The following SLC9C1 variants were observed in gnomAD, a reference collection of about 807,000 sequenced individuals.
SLC9C1 encodes the protein solute carrier family 9 member C1.
A neutral mutation model predicts 140.9 loss-of-function variants in SLC9C1; 97 were observed. The observed-to-expected ratio is 0.69, with a 90% confidence interval of 0.58 to 0.82. SLC9C1 has a LOEUF of 0.82. Ranked by LOEUF, SLC9C1 falls within the 40% of genes least tolerant of loss-of-function variation. The pLI is 0.00. For missense variants in SLC9C1, 1,340 were observed against 1,389.3 expected, an observed-to-expected ratio of 0.96 and a Z score of 0.56; for synonymous variants, 440 against 442.6, an observed-to-expected ratio of 0.99 and a Z score of 0.07.
chr3:112,201,374 A>G (rs1369926560), intron 18 of SLC9C1, among the ~76,000 whole-genome samples: 2 of 152,062 alleles, frequency 1.3e-5, no homozygotes, highest in Non-Finnish European at 2.9e-5. Flanking sequence ...GCTAAATATC[A>G]GTGGTTAGAA....
intron 5 of SLC9C1, among the ~76,000 whole-genome samples, chr3:112,276,620 T>C (rs777300112): frequency 7.9e-5 from 12 of 151,918 alleles, no homozygotes; most frequent in Admixed American, 1.3e-4. Context: ...TTAAGTTCAA[T>C]AGCAGCAGGA....
In SLC9C1 at chr3:112,145,589, C is replaced by CTTTT. The variant is rs61547345; in HGVS notation, c.3525-4312_3525-4309dup. ...TGGCTGTGAATCCACCTGCCCTTGG[C>CTTTT]TTTTTTTTTTTTTTTTTTTTTTGGT... is the stretch of plus-strand genomic sequence containing the variant. On this transcript the variant is annotated intron_variant, in intron 28 of 28. Transcript: ENST00000305815. 2.9e-3 allele frequency among the ~76,000 whole-genome samples: 82 copies of CTTTT among 28,222 alleles called. 6 individuals carry two copies. Among genetic ancestry groups the CTTTT allele is most frequent in the Middle Eastern group, 0.091 (2 of 22 alleles). 18.5% of individuals were successfully genotyped at this position (28,222 alleles called of 152,430 possible). A position where few individuals can be genotyped will look rare whatever the true frequency, so the allele number is the denominator to read the frequency against.
chr3:112,201,946 C>T (rs944245375), intron 18 of SLC9C1, among the ~76,000 whole-genome samples: 7 of 151,888 alleles, frequency 4.6e-5, no homozygotes, highest in African/African-American at 1.7e-4. Context: ...TTTTACACAC[C>T]CATAGCCTGA....
Position 112,145,704 on chromosome 3 carries a change from T to C in SLC9C1, c.3525-4423A>G, listed in dbSNP as rs186586109. Reference sequence around the variant, plus strand: ...TCTTCCTGATTCAATCTTGGGAGATTGTGTGGTCCCAGAAATTTACCTATT... The same window carrying C: ...TCTTCCTGATTCAATCTTGGGAGATCGTGTGGTCCCAGAAATTTACCTATT... On this transcript the variant is annotated intron_variant, in intron 28 of 28. Coordinates refer to ENST00000305815, the MANE Select transcript of SLC9C1 (RefSeq NM_183061.3). Among the ~76,000 whole-genome samples the C allele has an allele frequency of 1.7e-3, 255 of 151,346 alleles. 1 individual carries two copies. Among genetic ancestry groups the C allele is most frequent in the Non-Finnish European group, 3.1e-3 (212 of 67,918 alleles).
At chr3:112,205,458 G>A (rs1448876693) in intron 16 of SLC9C1, among the ~76,000 whole-genome samples, 8 of 134,286 alleles carry the variant, frequency 6.0e-5, no homozygotes, top group African/African-American at 1.9e-4. Context: ...AATCAATATC[G>A]TGAAAATGGC....
At chr3:112,275,230 C>T (rs1232891557) in intron 5 of SLC9C1, among the ~76,000 whole-genome samples, 5 of 152,030 alleles carry the variant, frequency 3.3e-5, no homozygotes, top group Admixed American at 1.3e-4. Flanking sequence ...GTTCTCATTC[C>T]TTGCTTCAAA....
At chr3:112,249,073 T>C (rs1381114783) in intron 10 of SLC9C1, among the ~76,000 whole-genome samples, 5 of 152,134 alleles carry the variant, frequency 3.3e-5, no homozygotes, top group African/African-American at 9.7e-5. Flanking sequence ...CTGTATGATG[T>C]TGGTTGTGGG....
intron 12 of SLC9C1, among the ~76,000 whole-genome samples, chr3:112,233,048 C>T (rs1168946819): frequency 3.5e-4 from 22 of 62,980 alleles, no homozygotes; most frequent in African/African-American, 1.1e-3. Flanking sequence ...CACACACACA[C>T]ACATATATAT....
In SLC9C1 at chr3:112,221,322, C is replaced by T. The variant is rs575791151; in HGVS notation, c.1573-97G>A. 8.3e-5 allele frequency: 80 copies of T among 965,038 alleles called. No homozygotes were observed. In the African/African-American group the frequency reaches 1.2e-3, roughly 14 times the overall value. 59.8% of individuals were successfully genotyped at this position (965,038 alleles called of 1,614,324 possible). A position where few individuals can be genotyped will look rare whatever the true frequency, so the allele number is the denominator to read the frequency against. On this transcript the variant is annotated intron_variant, in intron 13 of 28. Transcript: ENST00000305815. ...AAAATGTGTGATAAAGAAGTAAAAA[C>T]AATCAATCTAGTCTGTTTGTAAAAA... is the stretch of plus-strand genomic sequence containing the variant.
chr3:112,276,354 C>A (rs778254706), intron 5 of SLC9C1, among the ~76,000 whole-genome samples: 2 of 147,894 alleles, frequency 1.4e-5, no homozygotes, highest in Non-Finnish European at 3.0e-5. Context: ...CAGTCCTGGG[C>A]AAATTTTTCA....
In SLC9C1 at chr3:112,286,775, T is replaced by A; in HGVS notation, c.17A>T (p.Lys6Met). 1 of 1,612,112 alleles carries A rather than the reference T, an allele frequency of 6.2e-7. No individual in the cohort carries two copies. The highest frequency in any genetic ancestry group is 8.5e-7 in the Non-Finnish European group (1 of 1,179,278). MAGIF[K>M]EFFFSTEDLP... ...GTCCTCAGTACTGAAAAAAAACTCC[T>A]TAAATATTCCAGCCATGTTTCAGAA... The change falls in exon 2 of 29, where the codon AAG becomes ATG. Residue 6 changes from lysine to methionine, a missense_variant. By Grantham distance (95) the Lys-to-Met change is moderately conservative. Transcript: ENST00000305815.
chr3:112,192,024 A>G (rs1279302789), intron 20 of SLC9C1, among the ~76,000 whole-genome samples: 2 of 151,084 alleles, frequency 1.3e-5, no homozygotes, highest in Non-Finnish European at 3.0e-5. Context: ...GCATGTCTTA[A>G]TATTTAGTAG....
intron 14 of SLC9C1, among the ~76,000 whole-genome samples, chr3:112,220,129 T>C (rs1464012592): frequency 1.3e-5 from 2 of 152,182 alleles, no homozygotes; most frequent in Admixed American, 1.3e-4. Context: ...TCAAGCATTA[T>C]AAATCAAGGA....
At chr3:112,271,974 C>T (rs2080090875) in intron 6 of SLC9C1, among the ~76,000 whole-genome samples, 1 of 152,038 alleles carries the variant, frequency 6.6e-6, no homozygotes, top group Admixed American at 6.6e-5. Flanking sequence ...ATATTTGCTT[C>T]TTTGGTGTTG....
At chr3:112,233,350 AGCC>A (rs2078886543) in intron 12 of SLC9C1, among the ~76,000 whole-genome samples, 1 of 152,176 alleles carries the variant, frequency 6.6e-6, no homozygotes, top group Admixed American at 6.5e-5. Context: ...TACAGGCATG[AGCC>A]ACTGTGCTGA....
chr3:112,174,964 G>A (rs1480039990), intron 23 of SLC9C1, among the ~76,000 whole-genome samples: 2 of 152,052 alleles, frequency 1.3e-5, no homozygotes, highest in Non-Finnish European at 2.9e-5. Context: ...TGGGGGTCTG[G>A]ACCAGCCTCT....
At chr3:112,182,634 T>C (rs923878980) in intron 20 of SLC9C1, among the ~76,000 whole-genome samples, 2 of 150,052 alleles carry the variant, frequency 1.3e-5, no homozygotes, top group Non-Finnish European at 3.0e-5. Context: ...TACTGAAGTA[T>C]AGCAGATGTG....
chr3:112,157,166 C>T (rs73218074), intron 26 of SLC9C1, among the ~76,000 whole-genome samples: 30,469 of 151,814 alleles, frequency 0.2, 3,411 homozygotes, highest in Middle Eastern at 0.26. Flanking sequence ...AAATTTAAGT[C>T]TCTAATCCAT....
intron 1 of SLC9C1, among the ~76,000 whole-genome samples, chr3:112,290,695 T>C (rs1467053095): frequency 6.6e-6 from 1 of 152,192 alleles, no homozygotes; most frequent in Non-Finnish European, 1.5e-5. Context: ...TCAGTCTCTT[T>C]GAAAGTCTCT....
Sources: allele counts gnomAD v4.1 joint callset (sites outside exome capture counted in the v4.1 genomes callset), GRCh38; gene constraint gnomAD v4.1.1; transcripts MANE v1.5; gene names NCBI Gene and HGNC (gene_info 2026-07-23, HGNC 2026-07-21).